The following EPAS1 variants were observed in gnomAD, a reference collection of about 807,000 sequenced individuals.
EPAS1 encodes endothelial PAS domain protein 1, also known as endothelial PAS domain-containing protein 1.
A neutral mutation model predicts 87.9 loss-of-function variants in EPAS1; 23 were observed. The ratio of observed to expected loss-of-function variants is 0.26; its 90% CI spans 0.19 to 0.37. The LOEUF is 0.37. Ranked by LOEUF, EPAS1 falls within the 10% of genes least tolerant of loss-of-function variation. The pLI, the probability that EPAS1 is intolerant of heterozygous loss-of-function variation, is 1.00. For synonymous variants in EPAS1, 508 were observed against 444.3 expected, an observed-to-expected ratio of 1.14 and a Z score of -1.80; for missense variants, 1,138 against 1,120.7, an observed-to-expected ratio of 1.02 and a Z score of -0.22.
chr2:46,382,099 G>A lies in EPAS1; in HGVS notation c.2287+10G>A, dbSNP rs763250188. ...GCAAATGTACCCAATGGTGAGCAGC[G>A]GCCACAGGCCTGGGCCTCCTGGGGG... On this transcript the variant is annotated intron_variant, in intron 14 of 15. Transcript: ENST00000263734. 2.2e-5 allele frequency: 35 copies of A among 1,612,356 alleles called. No individual in the cohort carries two copies. Among genetic ancestry groups the A allele is most frequent in the African/African-American group, 4.0e-5 (3 of 74,922 alleles).
In EPAS1 at chr2:46,385,665, C is replaced by G. The variant is rs1181028060; in HGVS notation, c.*1005C>G. On this transcript the variant is annotated 3_prime_UTR_variant, in exon 16 of 16. Transcript: ENST00000263734. ...ATTCAGCGGGAGCACTGCGCGCTATCCCCTCACATTCTCTATGTACTATGT... is the reference window on the plus strand; with the variant it reads ...ATTCAGCGGGAGCACTGCGCGCTATGCCCTCACATTCTCTATGTACTATGT... 1 of 151,762 alleles carries G rather than the reference C, an allele frequency of 6.6e-6. No homozygotes were observed. The highest frequency in any genetic ancestry group is 6.6e-5 in the Admixed American group (1 of 15,234). The allele number at this position is 151,762 out of a possible 1,614,324, so 9.4% of individuals were successfully genotyped here. A position where few individuals can be genotyped will look rare whatever the true frequency, so the allele number is the denominator to read the frequency against.
intron 2 of EPAS1, among the ~76,000 whole-genome samples, chr2:46,352,279 C>T (rs987976245): frequency 1.3e-5 from 2 of 152,198 alleles, no homozygotes; most frequent in African/African-American, 2.4e-5. Flanking sequence ...CATCACCTTA[C>T]AGCAGTTTAT....
In EPAS1 at chr2:46,300,080, T is replaced by C. The variant is rs1451358745; in HGVS notation, c.26+2143T>C. Among the ~76,000 whole-genome samples, 1 of 150,254 alleles carries C rather than the reference T, an allele frequency of 6.7e-6. No individual in the cohort carries two copies. The highest frequency in any genetic ancestry group is 2.5e-5 in the African/African-American group (1 of 39,560). ...CCATCTAGAGCCCCTTAAGGGGTTG[T>C]CCAATTCCTATTGGGCTAATCAGTT... On this transcript the variant is annotated intron_variant, in intron 1 of 15. Coordinates refer to ENST00000263734, the MANE Select transcript of EPAS1 (RefSeq NM_001430.5). The surrounding 1 kb of genome is among the most constrained non-coding windows in gnomAD (Gnocchi z 4.1).
chr2:46,348,473 A>G lies in EPAS1; in HGVS notation c.217+1410A>G, dbSNP rs114191035. On this transcript the variant is annotated intron_variant, in intron 2 of 15. Transcript: ENST00000263734. Reference sequence around the variant, plus strand: ...GGCCAAGTTGGCTAATGTTGCAATCATCTTTACATAAAAAGAGTAGACAGT... The same window carrying G: ...GGCCAAGTTGGCTAATGTTGCAATCGTCTTTACATAAAAAGAGTAGACAGT... Among the ~76,000 whole-genome samples, 882 of 152,342 alleles carry G rather than the reference A, an allele frequency of 5.8e-3. 6 individuals carry two copies. The highest frequency in any genetic ancestry group is 0.02 in the African/African-American group (847 of 41,582).
intron 1 of EPAS1, among the ~76,000 whole-genome samples, chr2:46,315,629 G>C (rs923121326): frequency 1.3e-5 from 2 of 152,220 alleles, no homozygotes; most frequent in African/African-American, 4.8e-5. Context: ...TGTCTCCTCT[G>C]ACTTCCTGTG....
chr2:46,357,519 G>A (rs187540886), intron 4 of EPAS1, among the ~76,000 whole-genome samples: 1 of 152,342 alleles, frequency 6.6e-6, no homozygotes, highest in African/African-American at 2.4e-5. Context: ...GAAGCTGCCA[G>A]GCCTTCTGAA....
At chr2:46,330,010 A>C (rs1409094388) in intron 1 of EPAS1, among the ~76,000 whole-genome samples, 2 of 152,244 alleles carry the variant, frequency 1.3e-5, no homozygotes, top group Non-Finnish European at 1.5e-5. Flanking sequence ...CTTAAATCCA[A>C]CTAAGAATGT....
chr2:46,348,246 G>T (rs1051631733), intron 2 of EPAS1, among the ~76,000 whole-genome samples: 1 of 152,154 alleles, frequency 6.6e-6, no homozygotes, highest in Non-Finnish European at 1.5e-5. Flanking sequence ...AGAGCCAAGG[G>T]GGAAGATATG....
rs1270274392 is a variant in EPAS1, at chr2:46,350,346, G to A, written c.217+3283G>A. Among the ~76,000 whole-genome samples, 5 of 152,162 alleles carry A rather than the reference G, an allele frequency of 3.3e-5. No individual in the cohort carries two copies. The East Asian group carries it at 7.7e-4, about 23-fold the overall frequency. On this transcript the variant is annotated intron_variant, in intron 2 of 15. Transcript: ENST00000263734. ...GGTTGCATACCTCAAAGTTCAAAAG[G>A]CTAAAAAATACCAGGTTTTTCTTTA...
intron 1 of EPAS1, among the ~76,000 whole-genome samples, chr2:46,317,556 T>C (rs186800372): frequency 6.4e-4 from 98 of 152,356 alleles, no homozygotes; most frequent in African/African-American, 1.8e-3. Flanking sequence ...GCATAATTTT[T>C]AAGAACCCTA....
intron 4 of EPAS1, among the ~76,000 whole-genome samples, chr2:46,359,794 G>C (rs1424361076): frequency 6.6e-6 from 1 of 152,214 alleles, no homozygotes; most frequent in Non-Finnish European, 1.5e-5. Context: ...GTAGGTACCA[G>C]AGATGGTGGT....
intron 1 of EPAS1, among the ~76,000 whole-genome samples, chr2:46,322,768 T>C: frequency 6.6e-6 from 1 of 152,168 alleles, no homozygotes; most frequent in East Asian, 1.9e-4. Context: ...CTGTTTCCAT[T>C]ATATCAGGGA....
At position 46,375,927 on chromosome 2, in the gene EPAS1, C is replaced by G. The variant is rs1050145806; in HGVS notation, c.1034+90C>G. ...TCAGGATGACAGGCCTAGGAGATGC[C>G]AGGCCTCTCAGCGCCCTGGGCACCA... On this transcript the variant is annotated intron_variant, in intron 8 of 15. Transcript: ENST00000263734. The surrounding 1 kb of genome is among the most constrained non-coding windows in gnomAD (Gnocchi z 4.1). 10 of 1,553,932 alleles carry G rather than the reference C, an allele frequency of 6.4e-6. No individual in the cohort carries two copies. The African/African-American group carries it at 1.2e-4, about 19-fold the overall frequency.
At chr2:46,376,267 A>G (rs1193387674) in intron 8 of EPAS1, among the ~76,000 whole-genome samples, 2 of 152,222 alleles carry the variant, frequency 1.3e-5, no homozygotes, top group East Asian at 3.8e-4. Flanking sequence ...GAAAAACAAA[A>G]GCATCAGGCC....
intron 1 of EPAS1, among the ~76,000 whole-genome samples, chr2:46,310,611 C>G (rs1280519038): frequency 6.6e-6 from 1 of 152,212 alleles, no homozygotes; most frequent in African/African-American, 2.4e-5. Flanking sequence ...CTGGGTAGAG[C>G]AGCTGGGGAT....
chr2:46,358,066 C>A (rs187046777), intron 4 of EPAS1, among the ~76,000 whole-genome samples: 1 of 152,338 alleles, frequency 6.6e-6, no homozygotes, highest in Admixed American at 6.5e-5. Flanking sequence ...TTGTGCTTGT[C>A]CAGCCTGAAT....
rs1413824209 is a variant in EPAS1 at position 46,300,904 on chromosome 2, A to G, written c.26+2967A>G. Among the ~76,000 whole-genome samples, 2 of 152,158 alleles carry G rather than the reference A, an allele frequency of 1.3e-5. No individual in the cohort carries two copies. On this transcript the variant is annotated intron_variant, in intron 1 of 15. Coordinates refer to ENST00000263734, the MANE Select transcript of EPAS1 (RefSeq NM_001430.5). This position sits in a 1 kb window ranked among gnomAD's most constrained non-coding sequence, Gnocchi z 4.1. ...CTTAGTTGTTCCTCTTCTAAAATCA[A>G]ATCAAACTCCATCATTATTCCAACT...
chr2:46,355,673 T>C (rs1684255316), intron 2 of EPAS1, among the ~76,000 whole-genome samples: 1 of 152,222 alleles, frequency 6.6e-6, no homozygotes. Context: ...ACTGGATAAA[T>C]ACAGATTTTC....
intron 1 of EPAS1, among the ~76,000 whole-genome samples, chr2:46,302,281 A>G (rs1683024046): frequency 6.6e-6 from 1 of 152,064 alleles, no homozygotes; most frequent in Non-Finnish European, 1.5e-5. Context: ...CTACATTTGA[A>G]AATACTTGCT....
Sources: allele counts gnomAD v4.1 joint callset (sites outside exome capture counted in the v4.1 genomes callset), GRCh38; gene constraint gnomAD v4.1.1; non-coding constraint Gnocchi (gnomAD v3.1); transcripts MANE v1.5; gene names NCBI Gene and HGNC (gene_info 2026-07-23, HGNC 2026-07-21).